The following CNST variants were observed in gnomAD, a reference collection of about 807,000 sequenced individuals.
CNST encodes consortin.
Under a neutral mutation model 72.4 loss-of-function variants are expected in CNST, and 39 were observed. The ratio of observed to expected loss-of-function variants is 0.54; its 90% CI spans 0.42 to 0.70. The LOEUF is 0.70. Among genes scored for constraint, CNST ranks in the 30% least tolerant of loss-of-function variants. The pLI, the probability that CNST is intolerant of heterozygous loss-of-function variation, is 0.00. For missense variants in CNST, 871 were observed against 868.5 expected (o/e 1.00, Z -0.04); for synonymous variants, 332 against 320.1 (o/e 1.04, Z -0.40).
chr1:246,605,367 T>C (rs1227736574), intron 2 of CNST, among the ~76,000 whole-genome samples: 2 of 152,028 alleles, frequency 1.3e-5, no homozygotes, highest in East Asian at 3.9e-4. Context: ...CTTGAGTCCA[T>C]GAGTTAAAGA....
rs186877601 is a variant in CNST at position 246,578,443 on chromosome 1, T to C, written c.-52+11780T>C. ...ATCCCAGCACTTTGGGAGGCTGAGG[T>C]GGGCGGATCATGAGGTAGGAGATCG... On this transcript the variant is annotated intron_variant, in intron 1 of 10. Transcript: ENST00000366513. 2.0e-3 allele frequency among the ~76,000 whole-genome samples: 301 copies of C among 151,950 alleles called. 3 individuals are homozygous for C. Among genetic ancestry groups the C allele is most frequent in the African/African-American group, 6.5e-3 (267 of 41,320 alleles).
At chr1:246,610,947 C>T (rs142175487) in intron 2 of CNST, among the ~76,000 whole-genome samples, 44 of 152,194 alleles carry the variant, frequency 2.9e-4, no homozygotes, top group African/African-American at 9.9e-4. Context: ...TGCACCCCTC[C>T]GCCCGCTTGG....
intron 1 of CNST, among the ~76,000 whole-genome samples, chr1:246,568,859 A>G (rs1659885529): frequency 6.6e-6 from 1 of 152,146 alleles, no homozygotes; most frequent in Non-Finnish European, 1.5e-5. Context: ...GTGAGCCACC[A>G]CGCCTTTAAA....
At chr1:246,624,412 T>C (rs1191840905) in intron 3 of CNST, among the ~76,000 whole-genome samples, 1 of 152,214 alleles carries the variant, frequency 6.6e-6, no homozygotes, top group Non-Finnish European at 1.5e-5. Context: ...GAGGATTAAA[T>C]GGGATAATGC....
intron 1 of CNST, among the ~76,000 whole-genome samples, chr1:246,588,036 T>C (rs1208135287): frequency 6.6e-6 from 1 of 150,950 alleles, no homozygotes; most frequent in Admixed American, 6.6e-5. Context: ...CTTGTAACTT[T>C]GTCACATTTT....
chr1:246,608,779 TG>T (rs1158870063), intron 2 of CNST, among the ~76,000 whole-genome samples: 2 of 152,206 alleles, frequency 1.3e-5, no homozygotes, highest in African/African-American at 2.4e-5. Context: ...GTTTTAAGAC[TG>T]CCACCTGAAA....
intron 6 of CNST, among the ~76,000 whole-genome samples, chr1:246,635,265 CGTT>C (rs1370166015): frequency 6.6e-6 from 1 of 151,596 alleles, no homozygotes; most frequent in African/African-American, 2.4e-5. Flanking sequence ...TCCATCGTGT[CGTT>C]GTAGCAGGAG....
At chr1:246,615,504 T>C (rs1361939704) in intron 2 of CNST, among the ~76,000 whole-genome samples, 1 of 150,156 alleles carries the variant, frequency 6.7e-6, no homozygotes. Flanking sequence ...AAATAATACC[T>C]CTTCACAGCT....
At chr1:246,644,934 A>G (rs971233914) in intron 8 of CNST, among the ~76,000 whole-genome samples, 19 of 152,200 alleles carry the variant, frequency 1.2e-4, no homozygotes, top group Admixed American at 9.2e-4. Flanking sequence ...GCCCAGTGTC[A>G]AAGCAGGCAA....
Position 246,647,349 on chromosome 1 carries a change from G to C in CNST, c.1148G>C (p.Ser383Thr). The C allele has an allele frequency of 1.9e-6, 3 of 1,614,172 alleles. No individual in the cohort carries two copies. Among genetic ancestry groups the C allele is most frequent in the Non-Finnish European group, 2.5e-6 (3 of 1,180,042 alleles). Residue 383 changes from serine (S) to threonine (T), a missense_variant, in exon 9 of 11, where the codon AGC (serine) becomes ACC (threonine). Coordinates refer to ENST00000366513, the MANE Select transcript of CNST (RefSeq NM_152609.3). ...ACCCAGTCCTCCGAGACAGCAGGGA[G>C]CCCGTCTGGGCCAGACTCTTCTGAG... ...LHTQSSETAG[S>T]PSGPDSSEDA...
At chr1:246,601,717 C>T (rs1425839603) in intron 2 of CNST, among the ~76,000 whole-genome samples, 1 of 152,172 alleles carries the variant, frequency 6.6e-6, no homozygotes, top group African/African-American at 2.4e-5. Flanking sequence ...ACACTTCAAC[C>T]TGGGAGGCGG....
chr1:246,630,580 G>A (rs959164779), intron 3 of CNST, among the ~76,000 whole-genome samples: 1 of 152,090 alleles, frequency 6.6e-6, no homozygotes, highest in Non-Finnish European at 1.5e-5. Context: ...TTCCCCTGAG[G>A]GATTTGGGAA....
rs754058519 is a variant in CNST, at chr1:246,634,563, C to T, written c.794C>T (p.Thr265Met). 38 of 1,604,800 alleles carry T rather than the reference C, an allele frequency of 2.4e-5. No homozygotes were observed. Among genetic ancestry groups the T allele is most frequent in the East Asian group, 1.6e-4 (7 of 44,684 alleles). ...AATGGTGAAGATTTTGAACGGCTTA[C>T]GAAAATTTGTGCAACACATCAAGAG... is the stretch of plus-strand genomic sequence containing the variant. ...GFNGEDFERL[T>M]KICATHQDPL... is the part of the protein sequence containing the mutation. The change falls in exon 6 of 11, where the codon ACG becomes ATG. Residue 265 changes from threonine (T) to methionine (M), a missense_variant. Coordinates refer to ENST00000366513, the MANE Select transcript of CNST (RefSeq NM_152609.3).
At chr1:246,574,859 T>C (rs1001947038) in intron 1 of CNST, among the ~76,000 whole-genome samples, 1 of 152,130 alleles carries the variant, frequency 6.6e-6, no homozygotes, top group African/African-American at 2.4e-5. Flanking sequence ...AGGATTCCTA[T>C]GTAAAAGCAT....
intron 9 of CNST, among the ~76,000 whole-genome samples, chr1:246,652,733 A>T (rs13374826): frequency 6.6e-6 from 1 of 151,382 alleles, no homozygotes; most frequent in Admixed American, 6.6e-5. Context: ...GGCCGGGCAC[A>T]GTGGCTCACG....
chr1:246,615,888 A>G (rs1420074341), intron 2 of CNST, among the ~76,000 whole-genome samples: 8 of 152,052 alleles, frequency 5.3e-5, no homozygotes, highest in African/African-American at 1.9e-4. Flanking sequence ...TCAAAAAAAA[A>G]AAGAAACCAC....
chr1:246,659,621 ACTGGCT>A (rs1485883526), intron 9 of CNST, among the ~76,000 whole-genome samples: 1 of 152,078 alleles, frequency 6.6e-6, no homozygotes, highest in Non-Finnish European at 1.5e-5. Context: ...TCCCTAGTAA[ACTGGCT>A]CTGAGAGAAA....
intron 1 of CNST, among the ~76,000 whole-genome samples, chr1:246,566,956 G>A (rs1364055081): frequency 6.6e-6 from 1 of 152,184 alleles, no homozygotes; most frequent in Non-Finnish European, 1.5e-5. Flanking sequence ...GGAGGAGCCT[G>A]CGGCTTCCAC....
chr1:246,604,039 C>CA (rs1662501387), intron 2 of CNST, among the ~76,000 whole-genome samples: 1 of 152,192 alleles, frequency 6.6e-6, no homozygotes, highest in Non-Finnish European at 1.5e-5. Context: ...GCCTGGCCAA[C>CA]TGGCCAACAC....
Sources: allele counts gnomAD v4.1 joint callset (sites outside exome capture counted in the v4.1 genomes callset), GRCh38; gene constraint gnomAD v4.1.1; transcripts MANE v1.5; gene names NCBI Gene and HGNC (gene_info 2026-07-23, HGNC 2026-07-21).